Variants in CDC42BPA observed in about 807,000 individuals in gnomAD.
CDC42BPA encodes CDC42 binding protein kinase alpha.
Under a neutral mutation model 223.5 loss-of-function variants are expected in CDC42BPA, and 80 were observed. The observed-to-expected ratio is 0.36, with a 90% CI of 0.30 to 0.43. The LOEUF (loss-of-function observed/expected upper bound fraction) is 0.43, where lower values mean the gene tolerates loss of function less well. Among genes scored for constraint, CDC42BPA ranks in the 20% least tolerant of loss-of-function variants. The pLI is 1.00. For synonymous variants in CDC42BPA, 694 were observed against 718.6 expected, an observed-to-expected ratio of 0.97 and a Z score of 0.55; for missense variants, 1,743 against 2,099.9, an observed-to-expected ratio of 0.83 and a Z score of 3.32.
intron 35 of CDC42BPA, among the ~76,000 whole-genome samples, chr1:226,999,179 C>CTTT: frequency 6.9e-6 from 1 of 144,038 alleles, no homozygotes; most frequent in Admixed American, 6.9e-5. Context: ...AATAGGAACA[C>CTTT]TTTTTTTTTT....
At chr1:227,098,842 C>T (rs965304580) in intron 15 of CDC42BPA, among the ~76,000 whole-genome samples, 10 of 151,874 alleles carry the variant, frequency 6.6e-5, no homozygotes, top group African/African-American at 2.4e-4. Context: ...CCTATTAAAA[C>T]ACAAATCAGT....
At chr1:227,265,144 C>A in intron 1 of CDC42BPA, 1 of 726,620 alleles carries the variant, frequency 1.4e-6, no homozygotes, top group South Asian at 1.4e-5. Flanking sequence ...TACTAAGATT[C>A]CAGCAACCAC....
chr1:227,067,632 T>C (rs1677369218), intron 21 of CDC42BPA, among the ~76,000 whole-genome samples: 1 of 152,136 alleles, frequency 6.6e-6, no homozygotes, highest in African/African-American at 2.4e-5. Context: ...GTTTTGAGAA[T>C]AGCAAAACAC....
Position 227,023,326 on chromosome 1 carries a change from CT to C in CDC42BPA, c.4551del (p.Gly1518AspfsTer3). Reference protein sequence around the residue: ...PLKKVRPLNNEGSLNLLGLET... With the variant: ...PLKKVRPLNNXGSLNLLGLET... ...TCCAACCCTAAAAGATTTAATGATC[CT>C]TCATTGTTTAAGGGTCGAACCTAAA... On this transcript the variant is annotated frameshift_variant, in exon 32 of 37. Coordinates refer to ENST00000366766, the MANE Select transcript of CDC42BPA (RefSeq NM_001394014.1). LOFTEE classifies it high-confidence loss of function. 6.5e-7 allele frequency: 1 copy of C among 1,545,326 alleles called. No individual in the cohort carries two copies. Among genetic ancestry groups the C allele is most frequent in the Non-Finnish European group, 8.9e-7 (1 of 1,128,584 alleles).
At chr1:227,287,337 G>A (rs1294038251) in intron 1 of CDC42BPA, among the ~76,000 whole-genome samples, 1 of 152,154 alleles carries the variant, frequency 6.6e-6, no homozygotes. Flanking sequence ...GATTTTGGGA[G>A]TGTTCTCACA....
intron 5 of CDC42BPA, 110 bp downstream of exon 5, chr1:227,193,676 G>A: frequency 1.1e-6 from 1 of 884,926 alleles, no homozygotes; most frequent in Non-Finnish European, 1.6e-6. Flanking sequence ...TTTTTTGGTT[G>A]ACGATAAATG....
intron 21 of CDC42BPA, among the ~76,000 whole-genome samples, chr1:227,060,585 G>A (rs1032280788): frequency 2.6e-5 from 4 of 152,098 alleles, no homozygotes; most frequent in Admixed American, 6.6e-5. Flanking sequence ...GGACCTAGAG[G>A]AGGGAACTTA....
intron 2 of CDC42BPA, 93 bp downstream of exon 2, chr1:227,253,971 A>T: frequency 1.3e-6 from 1 of 759,230 alleles, no homozygotes; most frequent in Non-Finnish European, 2.3e-6. Flanking sequence ...TTTAACAAGT[A>T]ACAAGTAACA....
Position 226,994,193 on chromosome 1 carries a change from T to C in CDC42BPA, c.*75A>G. Reference sequence around the variant, plus strand: ...TGGCTTTCAGGCCGAGCAGGCGAGGTGGAGGGAAGAGATGAAAGTGAGAGG... The same window carrying C: ...TGGCTTTCAGGCCGAGCAGGCGAGGCGGAGGGAAGAGATGAAAGTGAGAGG... On this transcript the variant is annotated 3_prime_UTR_variant, in exon 37 of 37. Transcript: ENST00000366766. This position sits in a 1 kb window ranked among gnomAD's most constrained non-coding sequence, Gnocchi z 4.0. 1 of 1,440,762 alleles carries C rather than the reference T, an allele frequency of 6.9e-7. No individual in the cohort carries two copies. Among genetic ancestry groups the C allele is most frequent in the Non-Finnish European group, 9.4e-7 (1 of 1,061,860 alleles). The allele number at this position is 1,440,762 out of a possible 1,614,324, so 89.2% of individuals were successfully genotyped here.
At chr1:227,132,633 T>C (rs2149534167) in intron 10 of CDC42BPA, among the ~76,000 whole-genome samples, 1 of 143,088 alleles carries the variant, frequency 7.0e-6, no homozygotes, top group South Asian at 2.3e-4. Context: ...GGCTGCCCAG[T>C]CTGGAAAGTG....
intron 1 of CDC42BPA, among the ~76,000 whole-genome samples, chr1:227,310,517 T>C (rs1288015678): frequency 1.3e-5 from 2 of 152,062 alleles, no homozygotes; most frequent in African/African-American, 4.8e-5. Flanking sequence ...AAAGAAACAC[T>C]AGCCAATAGA....
intron 14 of CDC42BPA, among the ~76,000 whole-genome samples, chr1:227,110,154 G>A (rs1027732414): frequency 6.6e-6 from 1 of 152,108 alleles, no homozygotes; most frequent in Non-Finnish European, 1.5e-5. Flanking sequence ...TATTGATCTT[G>A]TGTGCATATG....
chr1:227,105,113 T>C (rs1042192064), intron 14 of CDC42BPA, among the ~76,000 whole-genome samples: 3 of 152,222 alleles, frequency 2.0e-5, no homozygotes, highest in South Asian at 2.1e-4. Context: ...ACTGCATTAA[T>C]AGTTTTTAAG....
chr1:227,266,844 A>G, intron 1 of CDC42BPA, among the ~76,000 whole-genome samples: 1 of 152,232 alleles, frequency 6.6e-6, no homozygotes, highest in Non-Finnish European at 1.5e-5. Context: ...AAATAATTTA[A>G]GTTATGTGAC....
chr1:227,160,587 A>T lies in CDC42BPA; in HGVS notation c.649T>A (p.Leu217Ile). The change falls in exon 6 of 37, where the codon TTA becomes ATA. Residue 217 changes from leucine (L) to isoleucine (I), a missense_variant. Coordinates refer to ENST00000366766, the MANE Select transcript of CDC42BPA (RefSeq NM_001394014.1). ...ILMDMNGHIR[L>I]ADFGSCLKLM... ...TTCAGACAAGAACCAAAATCTGCTAACCGAATATGTCCATTCATATCCATC... is the reference window on the plus strand; with the variant it reads ...TTCAGACAAGAACCAAAATCTGCTATCCGAATATGTCCATTCATATCCATC... The T allele has an allele frequency of 6.2e-7, 1 of 1,609,878 alleles. No homozygotes were observed. Among genetic ancestry groups the T allele is most frequent in the Non-Finnish European group, 8.5e-7 (1 of 1,176,302 alleles).
At chr1:227,315,578 T>TA (rs10635986) in intron 1 of CDC42BPA, among the ~76,000 whole-genome samples, 29 of 148,532 alleles carry the variant, frequency 2.0e-4, no homozygotes, top group East Asian at 1.8e-3. Flanking sequence ...CTTTAAGTCT[T>TA]AAAAAAAAAA....
At chr1:227,309,660 T>C (rs1043868998) in intron 1 of CDC42BPA, among the ~76,000 whole-genome samples, 11 of 152,214 alleles carry the variant, frequency 7.2e-5, no homozygotes, top group African/African-American at 2.7e-4. Context: ...AGATAGACAA[T>C]AGTTTTGCAA....
intron 15 of CDC42BPA, among the ~76,000 whole-genome samples, chr1:227,100,747 A>AGTGTCTGTGTGT (rs1684879430): frequency 7.3e-6 from 1 of 137,326 alleles, no homozygotes; most frequent in East Asian, 2.2e-4. Context: ...ATACCCAGCT[A>AGTGTCTGTGTGT]GTGTGTGTGT....
chr1:227,142,398 G>C (rs1412723557), intron 9 of CDC42BPA, among the ~76,000 whole-genome samples: 1 of 152,124 alleles, frequency 6.6e-6, no homozygotes, highest in South Asian at 2.1e-4. Flanking sequence ...TCTAATTACT[G>C]CTTCATTGGT....
Sources: gnomAD v4.1 joint callset for allele counts (sites outside exome capture counted in the v4.1 genomes callset) on GRCh38, gnomAD v4.1.1 for gene constraint, Gnocchi (gnomAD v3.1) non-coding constraint, MANE v1.5 for transcripts, NCBI Gene and HGNC (gene_info 2026-07-23, HGNC 2026-07-21) for gene names.